Variants in MGAM2 observed in about 807,000 individuals in gnomAD.
MGAM2 encodes probable maltase-glucoamylase 2.
A neutral mutation model predicts 96.1 loss-of-function variants in MGAM2; 98 were observed. The ratio of observed to expected loss-of-function variants is 1.02; its 90% CI spans 0.87 to 1.21. The LOEUF is 1.21. Ranked by LOEUF, MGAM2 falls within the 50% of genes most tolerant of loss-of-function variation. The pLI, the probability that MGAM2 is intolerant of heterozygous loss-of-function variation, is 0.00. For synonymous variants in MGAM2, 749 were observed against 414.8 expected, an observed-to-expected ratio of 1.81 and a Z score of -9.79; for missense variants, 2,055 against 1,182.4, an observed-to-expected ratio of 1.74 and a Z score of -10.82.
At chr7:142,183,161 G>T in intron 32 of MGAM2, 105 bp from the exon 33 acceptor site, 1 of 601,232 alleles carries the variant, frequency 1.7e-6, no homozygotes, top group Non-Finnish European at 3.0e-6. Context: ...TTTTGGTATT[G>T]AGATTCACCA....
At chr7:142,150,183 C>T (rs1379952758) in intron 15 of MGAM2, among the ~76,000 whole-genome samples, 1 of 151,912 alleles carries the variant, frequency 6.6e-6, no homozygotes, top group African/African-American at 2.4e-5. Context: ...TCTGGTGATC[C>T]GCCCACCTCG....
At chr7:142,170,479 T>G (rs1796154268) in intron 27 of MGAM2, among the ~76,000 whole-genome samples, 1 of 152,216 alleles carries the variant, frequency 6.6e-6, no homozygotes, top group Non-Finnish European at 1.5e-5. Flanking sequence ...CATGTTCTAC[T>G]TACTGTTCTT....
intron 9 of MGAM2, 128 bp from the exon 10 acceptor site, chr7:142,138,414 T>G (rs1795123247): frequency 1.7e-6 from 1 of 586,462 alleles, no homozygotes; most frequent in African/African-American, 1.9e-5. Context: ...AGGATGTGAT[T>G]GTGGAATTTC....
chr7:142,214,502 G>C (rs532531747), intron 46 of MGAM2, among the ~76,000 whole-genome samples: 2 of 152,060 alleles, frequency 1.3e-5, no homozygotes, highest in African/African-American at 4.8e-5. Context: ...CAAGCATTTC[G>C]ATACACCAAT....
At chr7:142,184,077 A>G (rs1796624414) in intron 33 of MGAM2, among the ~76,000 whole-genome samples, 1 of 144,100 alleles carries the variant, frequency 6.9e-6, no homozygotes, top group African/African-American at 2.6e-5. Context: ...GGTTCAAGCG[A>G]TTCTCCTGCC....
At chr7:142,131,459 A>AAAACC (rs1563251040) in intron 4 of MGAM2, 59 bp from the exon 5 acceptor site, 38 of 677,540 alleles carry the variant, frequency 5.6e-5, no homozygotes, top group South Asian at 3.4e-4. Context: ...AAAACAAAAC[A>AAAACC]AAACCAAACA....
intron 35 of MGAM2, among the ~76,000 whole-genome samples, chr7:142,186,954 T>C (rs1251259770): frequency 8.6e-6 from 1 of 116,520 alleles, no homozygotes; most frequent in African/African-American, 3.3e-5. Context: ...AGCTCTGGGG[T>C]AGTATTTTTT....
At position 142,167,453 on chromosome 7, in the gene MGAM2, G is replaced by A. The variant is rs1375799644; in HGVS notation, c.2994G>A (p.Val998=). 2.8e-6 allele frequency: 2 copies of A among 702,994 alleles called. No individual in the cohort carries two copies. Among genetic ancestry groups the A allele is most frequent in the Non-Finnish European group, 5.2e-6 (2 of 385,002 alleles). 43.5% of individuals were successfully genotyped at this position (702,994 alleles called of 1,614,324 possible). A position where few individuals can be genotyped will look rare whatever the true frequency, so the allele number is the denominator to read the frequency against. The part of the protein sequence containing the change: ...SAKISFLHLK[V]IYHTATMLQV... ...AGATCAGCTTCCTCCACCTGAAAGTGATCTATCACACAGCAACCATGCTGC... is the reference window on the plus strand; with the variant it reads ...AGATCAGCTTCCTCCACCTGAAAGTAATCTATCACACAGCAACCATGCTGC... The change falls in exon 26 of 48, where the codon GTG becomes GTA. Residue 998 remains valine, a synonymous_variant. Coordinates refer to ENST00000477922, the MANE Select transcript of MGAM2 (RefSeq NM_001293626.2).
At chr7:142,137,020 A>G (rs1040595025) in intron 8 of MGAM2, among the ~76,000 whole-genome samples, 1 of 151,928 alleles carries the variant, frequency 6.6e-6, no homozygotes, top group Non-Finnish European at 1.5e-5. Flanking sequence ...CACTTTCCCC[A>G]CTCCAAATCT....
chr7:142,207,494 T>G (rs1316552793), intron 45 of MGAM2, among the ~76,000 whole-genome samples: 1 of 152,030 alleles, frequency 6.6e-6, no homozygotes, highest in Non-Finnish European at 1.5e-5. Flanking sequence ...GGCGCGATCT[T>G]GGCTCGCTGC....
intron 46 of MGAM2, 73 bp downstream of exon 46, chr7:142,208,695 T>C (rs1336700501): frequency 2.2e-5 from 15 of 675,084 alleles, no homozygotes; most frequent in Non-Finnish European, 3.7e-5. Flanking sequence ...GTTAACTGCG[T>C]AAATGTAATA....
chr7:142,168,520 T>C (rs1469630565), intron 26 of MGAM2, among the ~76,000 whole-genome samples: 2 of 152,184 alleles, frequency 1.3e-5, no homozygotes, highest in African/African-American at 4.8e-5. Flanking sequence ...TCCACCCACC[T>C]TGGCCTCCCA....
chr7:142,185,483 A>G (rs1373191301), intron 34 of MGAM2, among the ~76,000 whole-genome samples: 4 of 152,196 alleles, frequency 2.6e-5, no homozygotes, highest in Non-Finnish European at 5.9e-5. Context: ...ATTTTAATAA[A>G]TTATCTGCAT....
chr7:142,120,046 G>A (rs143450497), intron 2 of MGAM2, among the ~76,000 whole-genome samples: 10 of 152,300 alleles, frequency 6.6e-5, no homozygotes, highest in African/African-American at 2.4e-4. Context: ...GAATTTTGTG[G>A]TATATAAATT....
At position 142,137,437 on chromosome 7, in the gene MGAM2, T is replaced by G. The variant is rs1795091966; in HGVS notation, c.852T>G (p.Val284=). The G allele has an allele frequency of 1.4e-6, 1 of 693,858 alleles. No homozygotes were observed. The highest frequency in any genetic ancestry group is 2.7e-5 in the East Asian group (1 of 36,888). 43.0% of individuals were successfully genotyped at this position (693,858 alleles called of 1,614,324 possible). A position where few individuals can be genotyped will look rare whatever the true frequency, so the allele number is the denominator to read the frequency against. The change falls in exon 9 of 48, where the codon GTT becomes GTG. Residue 284 remains valine (V), a synonymous_variant. Coordinates refer to ENST00000477922, the MANE Select transcript of MGAM2 (RefSeq NM_001293626.2). ...ATCTCATTATAATTTTTTCAGAGGT[T>G]ACCCTTCAGCCAGCTCCTGCGATCA... ...VFLMNSNAME[V]TLQPAPAITY...
intron 45 of MGAM2, among the ~76,000 whole-genome samples, chr7:142,200,310 ACT>A (rs1183821543): frequency 6.6e-6 from 1 of 152,036 alleles, no homozygotes; most frequent in Non-Finnish European, 1.5e-5. Flanking sequence ...CAGAAACATG[ACT>A]CTATCATTTG....
intron 41 of MGAM2, 25 bp downstream of exon 41, chr7:142,197,573 C>T: frequency 1.4e-6 from 1 of 703,106 alleles, no homozygotes. Flanking sequence ...TTTCCCCAAG[C>T]ATGTCTTGCA....
intron 6 of MGAM2, among the ~76,000 whole-genome samples, chr7:142,132,833 T>C (rs1261732406): frequency 1.6e-5 from 2 of 128,070 alleles, no homozygotes; most frequent in African/African-American, 6.2e-5. Flanking sequence ...TTATAAGTAA[T>C]ATAATTATAT....
At chr7:142,122,933 A>T (rs945238819) in intron 3 of MGAM2, among the ~76,000 whole-genome samples, 2 of 151,932 alleles carry the variant, frequency 1.3e-5, no homozygotes, top group Admixed American at 6.6e-5. Context: ...CGGTTCAAGC[A>T]ATTCTCCTGC....
Sources: gnomAD v4.1 joint callset for allele counts (sites outside exome capture counted in the v4.1 genomes callset) on GRCh38, gnomAD v4.1.1 for gene constraint, MANE v1.5 for transcripts, NCBI Gene and HGNC (gene_info 2026-07-23, HGNC 2026-07-21) for gene names.